ACADSB: variants seen among roughly 807,000 people sequenced by gnomAD.
ACADSB encodes the protein short/branched chain specific acyl-CoA dehydrogenase, mitochondrial.
In ACADSB, 40 loss-of-function variants were observed where a neutral mutation model predicts 54.1. The ratio of observed to expected loss-of-function variants is 0.74; its 90% CI spans 0.57 to 0.96. The LOEUF (loss-of-function observed/expected upper bound fraction) is 0.96. Among genes scored for constraint, ACADSB ranks in the 40% least tolerant of loss-of-function variants. The pLI, the probability that ACADSB is intolerant of heterozygous loss-of-function variation, is 0.00. For missense variants in ACADSB, 530 were observed against 510.4 expected, an observed-to-expected ratio of 1.04 and a Z score of -0.37; for synonymous variants, 182 against 182.8, an observed-to-expected ratio of 1.00 and a Z score of 0.03.
intron 3 of ACADSB, among the ~76,000 whole-genome samples, chr10:123,040,078 G>A (rs554450044): frequency 1.5e-4 from 23 of 151,860 alleles, no homozygotes; most frequent in Admixed American, 7.9e-4. Context: ...GGGTACAGTC[G>A]CTCACGCCTG....
intron 1 of ACADSB, among the ~76,000 whole-genome samples, chr10:123,015,334 T>TC (rs1352565580): frequency 6.6e-6 from 1 of 152,244 alleles, no homozygotes; most frequent in Non-Finnish European, 1.5e-5. Context: ...ACTTGCCCTG[T>TC]CTTGGGCCTA....
chr10:123,022,041 G>A (rs1306669846), intron 1 of ACADSB, among the ~76,000 whole-genome samples: 5 of 148,122 alleles, frequency 3.4e-5, no homozygotes, highest in African/African-American at 1.2e-4. Flanking sequence ...GATTCAAGAA[G>A]AGAAAAAAAA....
chr10:123,026,361 C>A (rs1361697617), intron 1 of ACADSB, among the ~76,000 whole-genome samples: 9 of 152,156 alleles, frequency 5.9e-5, no homozygotes, highest in Admixed American at 5.9e-4. Context: ...TAGTTCAGAG[C>A]CCCTCTATCA....
At chr10:123,017,679 G>A (rs1041900125) in intron 1 of ACADSB, among the ~76,000 whole-genome samples, 2 of 151,924 alleles carry the variant, frequency 1.3e-5, no homozygotes, top group African/African-American at 2.4e-5. Context: ...TTGAAGAGCC[G>A]GGCTTTCCTG....
At chr10:123,039,184 T>C (rs1850439609) in intron 3 of ACADSB, among the ~76,000 whole-genome samples, 1 of 152,194 alleles carries the variant, frequency 6.6e-6, no homozygotes, top group Admixed American at 6.5e-5. Context: ...TTCGAGTCAT[T>C]GTAATGAGGT....
intron 3 of ACADSB, among the ~76,000 whole-genome samples, chr10:123,039,797 C>G (rs1463087060): frequency 6.6e-6 from 1 of 152,178 alleles, no homozygotes; most frequent in African/African-American, 2.4e-5. Context: ...CCCCACCTAC[C>G]TGCTTTAAGC....
At chr10:123,035,274 A>G (rs1850384021) in intron 2 of ACADSB, among the ~76,000 whole-genome samples, 1 of 152,126 alleles carries the variant, frequency 6.6e-6, no homozygotes, top group African/African-American at 2.4e-5. Context: ...GGGTTTTCAT[A>G]CTTTACGTGG....
intron 9 of ACADSB, 120 bp downstream of exon 9, chr10:123,051,306 A>G (rs1589746004): frequency 8.1e-7 from 1 of 1,241,666 alleles, no homozygotes; most frequent in Admixed American, 3.1e-5. Flanking sequence ...TTTTCAAGTT[A>G]AGATAACATG....
Position 123,053,770 on chromosome 10 carries a change from T to C in ACADSB, c.*5T>C. On this transcript the variant is annotated 3_prime_UTR_variant, in exon 11 of 11. Transcript: ENST00000358776. Reference sequence around the variant, plus strand: ...CATATCGATGCAGAATACTGACGTCTATAGGAGTGGGACCCCTCCCTGGTG... The same window carrying C: ...CATATCGATGCAGAATACTGACGTCCATAGGAGTGGGACCCCTCCCTGGTG... 6.2e-7 allele frequency: 1 copy of C among 1,612,660 alleles called. No homozygotes were observed. Among genetic ancestry groups the C allele is most frequent in the Non-Finnish European group, 8.5e-7 (1 of 1,178,608 alleles).
At position 123,024,943 on chromosome 10, in the gene ACADSB, G is replaced by A. The variant is rs533100585; in HGVS notation, c.43-9413G>A. The stretch of plus-strand genomic sequence containing the variant: ...TAATTTAGTTCTAGGAAACCCTTAG[G>A]TTCCCTGCCTCCAGACCCTATTTCC... On this transcript the variant is annotated intron_variant, in intron 1 of 10. Transcript: ENST00000358776. Among the ~76,000 whole-genome samples the A allele has an allele frequency of 5.3e-5, 8 of 152,272 alleles. No homozygotes were observed. The East Asian group carries it at 1.5e-3, about 29-fold the overall frequency.
intron 2 of ACADSB, among the ~76,000 whole-genome samples, chr10:123,036,766 G>C (rs1428340976): frequency 6.6e-6 from 1 of 152,172 alleles, no homozygotes; most frequent in Non-Finnish European, 1.5e-5. Context: ...GTCAGGAAAG[G>C]CTTCCCAGAG....
chr10:123,050,190 C>G (rs977432728), intron 8 of ACADSB, among the ~76,000 whole-genome samples: 3 of 152,192 alleles, frequency 2.0e-5, no homozygotes, highest in Non-Finnish European at 4.4e-5. Context: ...TCCTGGGATT[C>G]GTGTGTGATT....
chr10:123,050,209 C>T (rs1850610869), intron 8 of ACADSB, among the ~76,000 whole-genome samples: 1 of 152,202 alleles, frequency 6.6e-6, no homozygotes, highest in Non-Finnish European at 1.5e-5. Flanking sequence ...TTGACTTAAT[C>T]AAGGTTCACT....
chr10:123,041,832 G>A (rs1478410120), intron 5 of ACADSB, among the ~76,000 whole-genome samples: 1 of 152,122 alleles, frequency 6.6e-6, no homozygotes, highest in Non-Finnish European at 1.5e-5. Flanking sequence ...AGGTACTTGA[G>A]CACTGTCAGA....
intron 5 of ACADSB, 93 bp downstream of exon 5, chr10:123,041,472 A>G (rs902089219): frequency 1.5e-6 from 2 of 1,337,656 alleles, no homozygotes; most frequent in Admixed American, 1.7e-5. Context: ...TTAGGACTTC[A>G]TCTTGAACTC....
rs1321307323 is a variant in ACADSB, at chr10:123,009,046, T to TG, written c.18dup (p.Arg7AlafsTer41). 4 of 1,547,826 alleles carry TG rather than the reference T, an allele frequency of 2.6e-6. No homozygotes were observed. Among genetic ancestry groups the TG allele is most frequent in the Non-Finnish European group, 3.5e-6 (4 of 1,146,784 alleles). On this transcript the variant is annotated frameshift_variant, in exon 1 of 11. Transcript: ENST00000358776. LOFTEE classifies it high-confidence loss of function. ...GCGGCGAGGATGGAGGGCCTGGCAG[T>TG]GCGGTTGCTGCGCGGCAGCAGGCTG...
At chr10:123,020,087 T>C (rs1850164446) in intron 1 of ACADSB, among the ~76,000 whole-genome samples, 1 of 152,220 alleles carries the variant, frequency 6.6e-6, no homozygotes, top group African/African-American at 2.4e-5. Flanking sequence ...GTAAAAGGTT[T>C]ATTTCCTATG....
intron 1 of ACADSB, among the ~76,000 whole-genome samples, chr10:123,020,618 G>T (rs1215526063): frequency 6.6e-6 from 1 of 152,076 alleles, no homozygotes; most frequent in Non-Finnish European, 1.5e-5. Context: ...ACAACTGCTG[G>T]GTCATATGAT....
chr10:123,034,116 AT>A (rs1339661310), intron 1 of ACADSB, among the ~76,000 whole-genome samples: 1 of 152,246 alleles, frequency 6.6e-6, no homozygotes, highest in East Asian at 1.9e-4. Context: ...TGTCTCCTTG[AT>A]TGGTAAAAGT....
Sources: allele counts gnomAD v4.1 joint callset (sites outside exome capture counted in the v4.1 genomes callset), GRCh38; gene constraint gnomAD v4.1.1; transcripts MANE v1.5; gene names NCBI Gene and HGNC (gene_info 2026-07-23, HGNC 2026-07-21).